Variants in RNF157 observed in about 807,000 individuals in gnomAD.
RNF157 encodes the protein ring finger protein 157, also known as E3 ubiquitin ligase RNF157.
A neutral mutation model predicts 88.3 loss-of-function variants in RNF157; 55 were observed. The ratio of observed to expected loss-of-function variants is 0.62; its 90% CI spans 0.50 to 0.78. RNF157 has a LOEUF of 0.78. RNF157 is among the 30% of genes least tolerant of loss of function. RNF157 has a pLI of 0.00. For synonymous variants in RNF157, 334 were observed against 341.2 expected (o/e 0.98, Z 0.23); for missense variants, 788 against 860.8 (o/e 0.92, Z 1.06).
intron 2 of RNF157, among the ~76,000 whole-genome samples, chr17:76,194,289 T>C (rs771784899): frequency 7.2e-5 from 11 of 152,192 alleles, no homozygotes; most frequent in Non-Finnish European, 1.6e-4. Flanking sequence ...CGTTTTGCTC[T>C]TTCCAGAATG....
chr17:76,198,278 C>T (rs4525514), intron 2 of RNF157, among the ~76,000 whole-genome samples: 80,922 of 151,802 alleles, frequency 0.53, 23,928 homozygotes, highest in African/African-American at 0.79. Context: ...CCTGTTGATA[C>T]AGGGACATTC....
intron 16 of RNF157, 114 bp from the exon 17 acceptor site, chr17:76,154,442 A>T: frequency 1.3e-6 from 1 of 762,444 alleles, no homozygotes. Context: ...CTACGTTAAT[A>T]GCATATATTT....
rs2068778822 is a variant in RNF157, at chr17:76,157,114, ATG to A, written c.1414-795_1414-794del. On this transcript the variant is annotated intron_variant, in intron 13 of 18. Transcript: ENST00000269391. The surrounding 1 kb of genome is among the most constrained non-coding windows in gnomAD (Gnocchi z 5.6). ...CCCGAGTAGCTGGGACTACAGGTGC[ATG>A]CCACCACACCTGGCTAATTTTTTGT... Among the ~76,000 whole-genome samples the A allele has an allele frequency of 6.6e-6, 1 of 151,972 alleles. No homozygotes were observed. The highest frequency in any genetic ancestry group is 1.5e-5 in the Non-Finnish European group (1 of 67,986).
chr17:76,194,298 T>C (rs967496853), intron 2 of RNF157, among the ~76,000 whole-genome samples: 2 of 152,202 alleles, frequency 1.3e-5, no homozygotes, highest in Admixed American at 6.5e-5. Context: ...CTTTCCAGAA[T>C]GACACAACAC....
chr17:76,155,107 TCCA>T (rs987915828), intron 16 of RNF157, 142 bp downstream of exon 16: 2 of 714,132 alleles, frequency 2.8e-6, no homozygotes, highest in African/African-American at 1.8e-5. Context: ...CTACCCACAT[TCCA>T]CTTCTCACTG....
intron 3 of RNF157, among the ~76,000 whole-genome samples, chr17:76,170,957 A>G (rs375990943): frequency 6.6e-6 from 1 of 152,136 alleles, no homozygotes; most frequent in Non-Finnish European, 1.5e-5. Context: ...CAGTGGCACA[A>G]TCTCGCCTCA....
intron 2 of RNF157, among the ~76,000 whole-genome samples, chr17:76,209,482 G>GTT (rs11439973): frequency 0.023 from 3,380 of 146,744 alleles, 122 homozygotes; most frequent in African/African-American, 0.075. Flanking sequence ...ATTTTTTTGC[G>GTT]TTTTTTTTTT....
intron 1 of RNF157, among the ~76,000 whole-genome samples, chr17:76,239,698 C>A (rs2070343652): frequency 6.6e-6 from 1 of 152,206 alleles, no homozygotes; most frequent in African/African-American, 2.4e-5. Flanking sequence ...GGGATAGCAC[C>A]TGGCGCAAGT....
At chr17:76,147,527 A>G (rs577135083) in intron 18 of RNF157, 7 of 159,156 alleles carry the variant, frequency 4.4e-5, no homozygotes, top group African/African-American at 1.7e-4. Context: ...TAGAAGCCTT[A>G]GCCAGGGCAG....
intron 1 of RNF157, among the ~76,000 whole-genome samples, chr17:76,227,057 A>G (rs939246332): frequency 6.6e-6 from 1 of 151,958 alleles, no homozygotes; most frequent in Non-Finnish European, 1.5e-5. Flanking sequence ...GTGCGGAAAA[A>G]ACTACATCTG....
chr17:76,162,787 G>T, intron 8 of RNF157, 164 bp from the exon 9 acceptor site: 1 of 508,126 alleles, frequency 2.0e-6, no homozygotes, highest in Non-Finnish European at 3.4e-6. Flanking sequence ...ATTTACTTAT[G>T]TTTTCTCTTT....
Position 76,143,014 on chromosome 17 carries a change from T to G in RNF157, c.*2221A>C, listed in dbSNP as rs2068536961. The stretch of plus-strand genomic sequence containing the variant: ...AGATGAAGGACTGGGGCAAAAGGGT[T>G]GGCCACTGACCTGTCCTCATCAGGC... On this transcript the variant is annotated 3_prime_UTR_variant, in exon 19 of 19. Coordinates refer to ENST00000269391, the MANE Select transcript of RNF157 (RefSeq NM_052916.3). 6.6e-6 allele frequency: 1 copy of G among 152,268 alleles called. No homozygotes were observed. The highest frequency in any genetic ancestry group is 2.1e-4 in the South Asian group (1 of 4,832). 9.4% of individuals were successfully genotyped at this position (152,268 alleles called of 1,614,324 possible). A position where few individuals can be genotyped will look rare whatever the true frequency, so the allele number is the denominator to read the frequency against.
intron 2 of RNF157, among the ~76,000 whole-genome samples, chr17:76,194,746 T>C (rs1220546058): frequency 2.0e-5 from 3 of 152,280 alleles, no homozygotes; most frequent in South Asian, 4.1e-4. Flanking sequence ...CCGGGCACGG[T>C]GGCTCACACC....
At chr17:76,198,668 C>A (rs138462744) in intron 2 of RNF157, among the ~76,000 whole-genome samples, 1 of 152,186 alleles carries the variant, frequency 6.6e-6, no homozygotes, top group Non-Finnish European at 1.5e-5. Flanking sequence ...ACCCTGTATC[C>A]GTTCTCATGA....
Position 76,176,785 on chromosome 17 carries a change from G to C in RNF157, c.208-2995C>G, listed in dbSNP as rs992626355. 3.9e-5 allele frequency among the ~76,000 whole-genome samples: 6 copies of C among 152,074 alleles called. No individual in the cohort carries two copies. The highest frequency in any genetic ancestry group is 8.8e-5 in the Non-Finnish European group (6 of 68,020). Reference sequence around the variant, plus strand: ...TTGGCCAGTGTCCCGCTTGCTCATGGAGCGCCAGGGCCAGGCCTGGGCGCG... The same window carrying C: ...TTGGCCAGTGTCCCGCTTGCTCATGCAGCGCCAGGGCCAGGCCTGGGCGCG... On this transcript the variant is annotated intron_variant, in intron 2 of 18. Transcript: ENST00000269391. The surrounding 1 kb of genome is among the most constrained non-coding windows in gnomAD (Gnocchi z 4.2).
At chr17:76,217,364 C>T (rs1395530175) in intron 1 of RNF157, among the ~76,000 whole-genome samples, 2 of 152,000 alleles carry the variant, frequency 1.3e-5, no homozygotes, top group Non-Finnish European at 2.9e-5. Flanking sequence ...CATTTTACAA[C>T]CAAAAATTTG....
At chr17:76,210,460 G>T (rs2069769915) in intron 2 of RNF157, among the ~76,000 whole-genome samples, 1 of 150,846 alleles carries the variant, frequency 6.6e-6, no homozygotes, top group Non-Finnish European at 1.5e-5. Context: ...TGTAGTGGCG[G>T]GTGCCTGTAG....
At chr17:76,228,452 C>T (rs1598446279) in intron 1 of RNF157, among the ~76,000 whole-genome samples, 1 of 152,196 alleles carries the variant, frequency 6.6e-6, no homozygotes, top group East Asian at 1.9e-4. Context: ...CACCTGAGTT[C>T]TCATTCCCAA....
chr17:76,216,875 A>G (rs2069897815), intron 1 of RNF157, among the ~76,000 whole-genome samples: 1 of 151,944 alleles, frequency 6.6e-6, no homozygotes, highest in Admixed American at 6.6e-5. Context: ...TGGGTAAAAG[A>G]GCAAGACCCT....
Sources: allele counts gnomAD v4.1 joint callset (sites outside exome capture counted in the v4.1 genomes callset), GRCh38; gene constraint gnomAD v4.1.1; non-coding constraint Gnocchi (gnomAD v3.1); transcripts MANE v1.5; gene names NCBI Gene and HGNC (gene_info 2026-07-23, HGNC 2026-07-21).